SLCO3A1: variants seen among roughly 807,000 people sequenced by gnomAD.
SLCO3A1 encodes the protein PGE1 transporter.
SLCO3A1 carries 27 observed loss-of-function variants against 63.1 expected under a neutral mutation model. The observed-to-expected ratio is 0.43, with a 90% confidence interval of 0.32 to 0.59. SLCO3A1 has a LOEUF of 0.59. Ranked by LOEUF, SLCO3A1 falls within the 20% of genes least tolerant of loss-of-function variation. SLCO3A1 has a pLI of 0.09. For synonymous variants in SLCO3A1, 473 were observed against 409.9 expected, an observed-to-expected ratio of 1.15 and a Z score of -1.86; for missense variants, 773 against 945.8, an observed-to-expected ratio of 0.82 and a Z score of 2.40.
In SLCO3A1 at chr15:91,871,264, C is replaced by G. The variant is rs188404932; in HGVS notation, c.180+17176C>G. Among the ~76,000 whole-genome samples, 460 of 152,262 alleles carry G rather than the reference C, an allele frequency of 3.0e-3. 2 individuals are homozygous for G. The highest frequency in any genetic ancestry group is 0.011 in the African/African-American group (439 of 41,542). ...ATGTCTTGGGCCAGTTGAGCTGTAG[C>G]AGGTCGTATGCTGGGTGCTGAGTAG... On this transcript the variant is annotated intron_variant, in intron 1 of 9. Transcript: ENST00000318445.
intron 2 of SLCO3A1, among the ~76,000 whole-genome samples, chr15:92,088,199 T>A (rs1269118318): frequency 6.6e-6 from 1 of 152,162 alleles, no homozygotes; most frequent in African/African-American, 2.4e-5. Flanking sequence ...CAACCACACA[T>A]CCTTTCAACA....
At position 92,056,771 on chromosome 15, in the gene SLCO3A1, A is replaced by G. The variant is rs545679988; in HGVS notation, c.647-38110A>G. ...CCCTGCCTAAGAAAGCCTTGCTGGC[A>G]GCAGCATGGGTAGGGTTTATGGGAG... is the stretch of plus-strand genomic sequence containing the variant. On this transcript the variant is annotated intron_variant, in intron 2 of 9. Transcript: ENST00000318445. 2.0e-5 allele frequency among the ~76,000 whole-genome samples: 3 copies of G among 152,322 alleles called. No individual in the cohort carries two copies. The South Asian group carries it at 6.2e-4, about 32-fold the overall frequency.
At chr15:92,045,597 T>A (rs140209095) in intron 2 of SLCO3A1, among the ~76,000 whole-genome samples, 1 of 152,100 alleles carries the variant, frequency 6.6e-6, no homozygotes, top group Non-Finnish European at 1.5e-5. Context: ...TGCAATTGAT[T>A]TATTTAGTCA....
chr15:91,944,322 G>A (rs1344615746), intron 2 of SLCO3A1, among the ~76,000 whole-genome samples: 1 of 152,132 alleles, frequency 6.6e-6, no homozygotes, highest in Non-Finnish European at 1.5e-5. Context: ...TACAGATTCA[G>A]TACCTGATTT....
At chr15:91,888,545 A>G (rs555433300) in intron 1 of SLCO3A1, among the ~76,000 whole-genome samples, 2 of 152,030 alleles carry the variant, frequency 1.3e-5, no homozygotes, top group East Asian at 3.9e-4. Context: ...AGTCCTAGGC[A>G]TATGAAATCT....
intron 2 of SLCO3A1, among the ~76,000 whole-genome samples, chr15:91,986,365 T>C (rs892654380): frequency 1.3e-5 from 2 of 152,142 alleles, no homozygotes; most frequent in African/African-American, 2.4e-5. Flanking sequence ...TGGGTGCCTA[T>C]TGGCAGCAGG....
chr15:92,151,490 C>G (rs996755730), intron 9 of SLCO3A1, among the ~76,000 whole-genome samples: 4 of 152,114 alleles, frequency 2.6e-5, no homozygotes, highest in Non-Finnish European at 5.9e-5. Context: ...CAAATGTGAC[C>G]TTCATGCTAT....
intron 9 of SLCO3A1, among the ~76,000 whole-genome samples, chr15:92,154,504 G>T (rs924084003): frequency 6.6e-6 from 1 of 152,202 alleles, no homozygotes; most frequent in Non-Finnish European, 1.5e-5. Flanking sequence ...GCCAGTGTCT[G>T]CCATACTGGA....
chr15:92,170,576 C>T (rs1032485524), downstream of SLCO3A1, among the ~76,000 whole-genome samples: 3 of 152,282 alleles, frequency 2.0e-5, no homozygotes, highest in Non-Finnish European at 4.4e-5. Context: ...ACAAAGCCCC[C>T]GAAGTTAGAA....
chr15:91,889,188 C>G lies in SLCO3A1; in HGVS notation c.181-26805C>G, dbSNP rs1411619450. 3.1e-6 allele frequency: 4 copies of G among 1,284,390 alleles called. No individual in the cohort carries two copies. The Admixed American group carries it at 9.2e-5, about 30-fold the overall frequency. 79.6% of individuals were successfully genotyped at this position (1,284,390 alleles called of 1,614,324 possible). On this transcript the variant is annotated intron_variant, in intron 1 of 9. Coordinates refer to ENST00000318445, the MANE Select transcript of SLCO3A1 (RefSeq NM_013272.4). ...GACTGATGTCATAACACTGGAGATG[C>G]ATGCTCCTTAGATGAATGTAAGTTC... is the stretch of plus-strand genomic sequence containing the variant.
chr15:91,920,324 C>T (rs1017036847), intron 2 of SLCO3A1, among the ~76,000 whole-genome samples: 2 of 152,108 alleles, frequency 1.3e-5, no homozygotes, highest in Non-Finnish European at 2.9e-5. Context: ...GGGCATTCCA[C>T]GAGACAGCCC....
At chr15:92,089,886 C>T (rs2047450894) in intron 2 of SLCO3A1, among the ~76,000 whole-genome samples, 1 of 152,062 alleles carries the variant, frequency 6.6e-6, no homozygotes, top group South Asian at 2.1e-4. Flanking sequence ...AACAGAGGGT[C>T]CCAAACTTAC....
In SLCO3A1 at chr15:91,854,394, A is replaced by T. The variant is rs1488249866; in HGVS notation, c.180+306A>T. On this transcript the variant is annotated intron_variant, in intron 1 of 9. Transcript: ENST00000318445. The surrounding 1 kb of genome is among the most constrained non-coding windows in gnomAD (Gnocchi z 6.4). ...CGTGAAACTATTCCTCTCCCCCCAT[A>T]AGAGCGGAGCGAGACGGTGAGTTCA... The T allele has an allele frequency of 9.6e-7, 1 of 1,045,722 alleles. No individual in the cohort carries two copies. Among genetic ancestry groups the T allele is most frequent in the East Asian group, 6.9e-5 (1 of 14,528 alleles). The allele number at this position is 1,045,722 out of a possible 1,614,324, so 64.8% of individuals were successfully genotyped here. A position where few individuals can be genotyped will look rare whatever the true frequency, so the allele number is the denominator to read the frequency against.
At chr15:92,045,441 T>C (rs79481910) in intron 2 of SLCO3A1, among the ~76,000 whole-genome samples, 1,765 of 152,286 alleles carry the variant, frequency 0.012, 30 homozygotes, top group African/African-American at 0.04. Flanking sequence ...TAAATGTGCA[T>C]GCATATAAAG....
chr15:92,103,233 C>A (rs2047627518), intron 3 of SLCO3A1, among the ~76,000 whole-genome samples: 1 of 152,140 alleles, frequency 6.6e-6, no homozygotes, highest in African/African-American at 2.4e-5. Context: ...CCCAGATCTC[C>A]CCAGTTCTCC....
At chr15:91,874,459 CTA>C (rs1392094982) in intron 1 of SLCO3A1, among the ~76,000 whole-genome samples, 6 of 152,220 alleles carry the variant, frequency 3.9e-5, no homozygotes, top group Non-Finnish European at 7.3e-5. Context: ...CTTCCTATCT[CTA>C]TGATTCTGAC....
intron 6 of SLCO3A1, among the ~76,000 whole-genome samples, chr15:92,128,069 G>A (rs752602642): frequency 6.6e-6 from 1 of 152,170 alleles, no homozygotes; most frequent in African/African-American, 2.4e-5. Flanking sequence ...CGCTTCATGA[G>A]AGGGGCTGGA....
At position 91,967,532 on chromosome 15, in the gene SLCO3A1, C is replaced by T. The variant is rs139874772; in HGVS notation, c.646+51074C>T. Among the ~76,000 whole-genome samples, 23 of 152,252 alleles carry T rather than the reference C, an allele frequency of 1.5e-4. No individual in the cohort carries two copies. Among genetic ancestry groups the T allele is most frequent in the Non-Finnish European group, 2.4e-4 (16 of 68,028 alleles). ...CCGTTGTGGGGACATAACGCAGAAG[C>T]GTTGCCACAGGATAAAGACAGCACT... On this transcript the variant is annotated intron_variant, in intron 2 of 9. Transcript: ENST00000318445. This position sits in a 1 kb window ranked among gnomAD's most constrained non-coding sequence, Gnocchi z 4.4.
intron 2 of SLCO3A1, among the ~76,000 whole-genome samples, chr15:92,060,531 G>A (rs1001900745): frequency 3.3e-5 from 5 of 151,110 alleles, no homozygotes; most frequent in African/African-American, 1.2e-4. Flanking sequence ...ACGGACTCTC[G>A]CTCTGTCACC....
Sources: allele counts gnomAD v4.1 joint callset (sites outside exome capture counted in the v4.1 genomes callset), GRCh38; gene constraint gnomAD v4.1.1; non-coding constraint Gnocchi (gnomAD v3.1); transcripts MANE v1.5; gene names NCBI Gene and HGNC (gene_info 2026-07-23, HGNC 2026-07-21).